Variants in CACNA1C observed in about 807,000 individuals in gnomAD.
CACNA1C encodes the protein voltage-dependent L-type calcium channel subunit alpha-1C.
A neutral mutation model predicts 229.0 loss-of-function variants in CACNA1C; 30 were observed. The observed-to-expected ratio is 0.13, with a 90% CI of 0.10 to 0.18. CACNA1C has a LOEUF of 0.18. CACNA1C is among the 10% of genes least tolerant of loss of function. CACNA1C has a pLI of 1.00. For missense variants in CACNA1C, 1,658 were observed against 2,845.0 expected (o/e 0.58, Z 9.49); for synonymous variants, 1,114 against 1,132.5 (o/e 0.98, Z 0.33).
At chr12:2,039,715 AAGG>A (rs1189405144) in intron 1 of CACNA1C, among the ~76,000 whole-genome samples, 1 of 152,148 alleles carries the variant, frequency 6.6e-6, no homozygotes, top group African/African-American at 2.4e-5. Flanking sequence ...CTGAGTCTTA[AAGG>A]ATGAGTAGGA....
intron 3 of CACNA1C, among the ~76,000 whole-genome samples, chr12:2,207,798 G>A (rs965363315): frequency 2.6e-5 from 4 of 151,834 alleles, no homozygotes; most frequent in Admixed American, 2.0e-4. Context: ...TCCAGCTTGG[G>A]TGACAGAGCC....
chr12:2,665,720 G>C lies in CACNA1C; in HGVS notation c.4526+12G>C, dbSNP rs748926089. 2.4e-5 allele frequency: 38 copies of C among 1,609,510 alleles called. No homozygotes were observed. The highest frequency in any genetic ancestry group is 3.1e-5 in the Non-Finnish European group (37 of 1,177,644). On this transcript the variant is annotated intron_variant, in intron 36 of 46. Coordinates refer to ENST00000399655, the MANE Select transcript of CACNA1C (RefSeq NM_000719.7). The surrounding 1 kb of genome is among the most constrained non-coding windows in gnomAD (Gnocchi z 5.9). ...GACCCTGAAGCCAAGTAAGTTCCCA[G>C]AGGGAAATCCTGATTCCCCAAGCTG... is the stretch of plus-strand genomic sequence containing the variant.
Position 2,608,756 on chromosome 12 carries a change from G to A in CACNA1C, c.3558+44G>A. The stretch of plus-strand genomic sequence containing the variant: ...GCGGAGGGAAGCGGGGCCCACGGAG[G>A]GAATGGCAGCCTGCGGCCCACCCCG... On this transcript the variant is annotated intron_variant, in intron 27 of 46. Transcript: ENST00000399655. The surrounding 1 kb of genome is among the most constrained non-coding windows in gnomAD (Gnocchi z 4.2). 5.0e-6 allele frequency: 8 copies of A among 1,601,970 alleles called. No homozygotes were observed. The highest frequency in any genetic ancestry group is 2.2e-5 in the East Asian group (1 of 44,562).
At chr12:2,290,279 G>T (rs1285654812) in intron 3 of CACNA1C, among the ~76,000 whole-genome samples, 1 of 152,180 alleles carries the variant, frequency 6.6e-6, no homozygotes, top group Non-Finnish European at 1.5e-5. Flanking sequence ...ATTGGGGGCA[G>T]GGTATGATAA....
At position 2,428,800 on chromosome 12, in the gene CACNA1C, C is replaced by T. The variant is rs750315410; in HGVS notation, c.478-20176C>T. Among the ~76,000 whole-genome samples the T allele has an allele frequency of 9.2e-5, 14 of 152,262 alleles. No individual in the cohort carries two copies. In the East Asian group the frequency reaches 1.2e-3, roughly 13 times the overall value. On this transcript the variant is annotated intron_variant, in intron 3 of 46. Transcript: ENST00000399655. ...CTTGCCCTGGGCAGTGACTTTGCAG[C>T]GGGAAACCAAGAGGCTGATGCTGAT...
intron 3 of CACNA1C, among the ~76,000 whole-genome samples, chr12:2,409,564 C>T (rs966137988): frequency 6.6e-6 from 1 of 152,234 alleles, no homozygotes; most frequent in African/African-American, 2.4e-5. Context: ...TTAGGTTTCT[C>T]ACCATAATTT....
At chr12:2,314,147 G>A (rs1592507968) in intron 3 of CACNA1C, among the ~76,000 whole-genome samples, 1 of 152,210 alleles carries the variant, frequency 6.6e-6, no homozygotes, top group South Asian at 2.1e-4. Flanking sequence ...TCTCTCCTGG[G>A]CACCTGCTCT....
At chr12:2,461,993 T>G (rs1290572977) in intron 5 of CACNA1C, among the ~76,000 whole-genome samples, 3 of 152,204 alleles carry the variant, frequency 2.0e-5, no homozygotes, top group Non-Finnish European at 2.9e-5. Flanking sequence ...CCTCCACGGC[T>G]TCCCTGACTT....
At chr12:2,387,462 G>A (rs1379792058) in intron 3 of CACNA1C, among the ~76,000 whole-genome samples, 1 of 151,874 alleles carries the variant, frequency 6.6e-6, no homozygotes, top group Non-Finnish European at 1.5e-5. Context: ...TCCAGCCTGG[G>A]CGACAGATCA....
At chr12:2,596,634 G>A (rs1684578339) in intron 20 of CACNA1C, among the ~76,000 whole-genome samples, 5 of 152,160 alleles carry the variant, frequency 3.3e-5, no homozygotes. Flanking sequence ...ACCGAGGTTA[G>A]CAGGTGTTGG....
intron 3 of CACNA1C, among the ~76,000 whole-genome samples, chr12:2,221,874 TAGA>T (rs2154351139): frequency 6.6e-6 from 1 of 152,326 alleles, no homozygotes; most frequent in East Asian, 1.9e-4. Context: ...AATGATAACC[TAGA>T]AGGACAGTTA....
chr12:2,597,816 A>G lies in CACNA1C; in HGVS notation c.2853+527A>G, dbSNP rs562527860. On this transcript the variant is annotated intron_variant, in intron 21 of 46. Transcript: ENST00000399655. The surrounding 1 kb of genome is among the most constrained non-coding windows in gnomAD (Gnocchi z 4.3). ...GCTGCAGCCGTCAGCAGCGCCAGAC[A>G]TACATGCCCACATGCACCAGCTCCG... Among the ~76,000 whole-genome samples the G allele has an allele frequency of 1.3e-5, 2 of 152,348 alleles. No individual in the cohort carries two copies. Among genetic ancestry groups the G allele is most frequent in the Non-Finnish European group, 2.9e-5 (2 of 68,038 alleles).
Position 2,354,906 on chromosome 12 carries a change from A to G in CACNA1C, c.478-94070A>G, listed in dbSNP as rs2097311186. ...ATTCCATTTTGGTGAGGAAATTTAC[A>G]TTACCCAGGTGTGCACTTGGGCAGG... On this transcript the variant is annotated intron_variant, in intron 3 of 46. Transcript: ENST00000399655. The surrounding 1 kb of genome is among the most constrained non-coding windows in gnomAD (Gnocchi z 4.6). Among the ~76,000 whole-genome samples, 1 of 151,870 alleles carries G rather than the reference A, an allele frequency of 6.6e-6. No homozygotes were observed. The highest frequency in any genetic ancestry group is 6.6e-5 in the Admixed American group (1 of 15,264).
At chr12:2,606,359 C>T (rs907257886) in intron 24 of CACNA1C, among the ~76,000 whole-genome samples, 2 of 152,000 alleles carry the variant, frequency 1.3e-5, no homozygotes, top group African/African-American at 4.8e-5. Context: ...CCCTCCCTGG[C>T]GAGACCTCCC....
rs568042954 is a variant in CACNA1C at position 2,488,814 on chromosome 12, C to G, written c.916+2552C>G. Among the ~76,000 whole-genome samples, 6 of 152,334 alleles carry G rather than the reference C, an allele frequency of 3.9e-5. No homozygotes were observed. The highest frequency in any genetic ancestry group is 3.9e-4 in the Admixed American group (6 of 15,310). On this transcript the variant is annotated intron_variant, in intron 6 of 46. Coordinates refer to ENST00000399655, the MANE Select transcript of CACNA1C (RefSeq NM_000719.7). This position sits in a 1 kb window ranked among gnomAD's most constrained non-coding sequence, Gnocchi z 4.0. ...GGACACAGCTGCAGAAGCCTGTCCT[C>G]TCAAATACTCTGCAATCAGGAGCTT...
chr12:2,415,457 A>G (rs2098869743), intron 3 of CACNA1C, among the ~76,000 whole-genome samples: 1 of 152,230 alleles, frequency 6.6e-6, no homozygotes, highest in Admixed American at 6.5e-5. Flanking sequence ...ATGAAAAGGA[A>G]ATATTCAGCT....
chr12:2,430,575 T>TG (rs141847443), intron 3 of CACNA1C, among the ~76,000 whole-genome samples: 14 of 151,964 alleles, frequency 9.2e-5, no homozygotes, highest in South Asian at 4.2e-4. Context: ...TGGGAGGTGG[T>TG]GGGGGGGTCC....
At chr12:2,533,569 A>G (rs2099846008) in intron 9 of CACNA1C, among the ~76,000 whole-genome samples, 1 of 152,156 alleles carries the variant, frequency 6.6e-6, no homozygotes, top group African/African-American at 2.4e-5. Context: ...GGGCATTCCC[A>G]TCTGCCCTCC....
intron 1 of CACNA1C, among the ~76,000 whole-genome samples, chr12:2,064,600 C>A (rs2058684091): frequency 6.6e-6 from 1 of 152,034 alleles, no homozygotes; most frequent in African/African-American, 2.4e-5. Context: ...GCAAGAGAGG[C>A]AAAAACGTGA....
Sources: gnomAD v4.1 joint callset for allele counts (sites outside exome capture counted in the v4.1 genomes callset) on GRCh38, gnomAD v4.1.1 for gene constraint, Gnocchi (gnomAD v3.1) non-coding constraint, MANE v1.5 for transcripts, NCBI Gene and HGNC (gene_info 2026-07-23, HGNC 2026-07-21) for gene names.